RGL1: variants seen among roughly 807,000 people sequenced by gnomAD.
RGL1 encodes ral guanine nucleotide dissociation stimulator-like 1.
Under a neutral mutation model 95.2 loss-of-function variants are expected in RGL1, and 24 were observed. The observed-to-expected ratio is 0.25, with a 90% CI of 0.18 to 0.35. The LOEUF (loss-of-function observed/expected upper bound fraction) is 0.35, where lower values mean the gene tolerates loss of function less well. Ranked by LOEUF, RGL1 falls within the 10% of genes least tolerant of loss-of-function variation. RGL1 has a pLI of 1.00. For missense variants in RGL1, 715 were observed against 936.3 expected, an observed-to-expected ratio of 0.76 and a Z score of 3.08; for synonymous variants, 329 against 344.9, an observed-to-expected ratio of 0.95 and a Z score of 0.51.
chr1:183,639,182 G>T (rs1386702250), intron 1 of RGL1, among the ~76,000 whole-genome samples: 1 of 151,846 alleles, frequency 6.6e-6, no homozygotes, highest in Non-Finnish European at 1.5e-5. Flanking sequence ...TTGGGAGGGT[G>T]AGGTGGGAGA....
chr1:183,813,377 ACCAGAT>A (rs1007317267), intron 2 of RGL1, among the ~76,000 whole-genome samples: 7 of 152,200 alleles, frequency 4.6e-5, no homozygotes, highest in Non-Finnish European at 7.3e-5. Flanking sequence ...TGGCAGAAAA[ACCAGAT>A]CCAGGCATGC....
At chr1:183,892,626 A>G (rs1260292287) in intron 9 of RGL1, among the ~76,000 whole-genome samples, 1 of 152,212 alleles carries the variant, frequency 6.6e-6, no homozygotes, top group African/African-American at 2.4e-5. Context: ...TGACTTCTGA[A>G]TGACACACTA....
At chr1:183,644,117 C>T (rs112719734) in intron 1 of RGL1, among the ~76,000 whole-genome samples, 1 of 152,090 alleles carries the variant, frequency 6.6e-6, no homozygotes, top group Non-Finnish European at 1.5e-5. Context: ...CAGGACAGGT[C>T]CTAAATAAAT....
intron 1 of RGL1, among the ~76,000 whole-genome samples, chr1:183,696,932 A>G (rs1654287346): frequency 1.3e-5 from 2 of 152,130 alleles, no homozygotes; most frequent in Non-Finnish European, 2.9e-5. Flanking sequence ...GAACTATTCT[A>G]GTTGCCTCCT....
intron 2 of RGL1, among the ~76,000 whole-genome samples, chr1:183,817,063 T>C (rs1031257605): frequency 1.3e-5 from 2 of 152,236 alleles, no homozygotes; most frequent in South Asian, 2.1e-4. Context: ...TTTTAATTTG[T>C]TGTGAGAAGG....
chr1:183,884,952 A>C lies in RGL1; in HGVS notation c.951+14A>C. 1 of 1,607,178 alleles carries C rather than the reference A, an allele frequency of 6.2e-7. No individual in the cohort carries two copies. Among genetic ancestry groups the C allele is most frequent in the Non-Finnish European group, 8.5e-7 (1 of 1,174,484 alleles). On this transcript the variant is annotated intron_variant, in intron 7 of 17. Transcript: ENST00000360851. Reference sequence around the variant, plus strand: ...AACATCGCTCATGTAATTGTCTTTTATAAAATATTCTTTGTGTTTGGTAGA... The same window carrying C: ...AACATCGCTCATGTAATTGTCTTTTCTAAAATATTCTTTGTGTTTGGTAGA...
chr1:183,873,770 C>T (rs920284106), intron 4 of RGL1, among the ~76,000 whole-genome samples: 6 of 152,188 alleles, frequency 3.9e-5, no homozygotes, highest in African/African-American at 1.4e-4. Flanking sequence ...AATGAACACC[C>T]TGAGCAAGGT....
At chr1:183,677,712 C>A (rs1341142426) in intron 1 of RGL1, among the ~76,000 whole-genome samples, 1 of 152,148 alleles carries the variant, frequency 6.6e-6, no homozygotes, top group Non-Finnish European at 1.5e-5. Context: ...GCACAGTATC[C>A]CTCAAATTAG....
At position 183,833,028 on chromosome 1, in the gene RGL1, G is replaced by A. The variant is rs143506784; in HGVS notation, c.139-14538G>A. On this transcript the variant is annotated intron_variant, in intron 2 of 17. Transcript: ENST00000360851. ...ATCATAATACCGTCCCTTTTTGTAG[G>A]AACACCTATTGAATTTCATAACATA... Among the ~76,000 whole-genome samples the A allele has an allele frequency of 1.8e-3, 272 of 152,126 alleles. 1 individual carries two copies. The highest frequency in any genetic ancestry group is 6.4e-3 in the African/African-American group (264 of 41,506).
chr1:183,846,859 G>A (rs1572496127), intron 2 of RGL1, among the ~76,000 whole-genome samples: 1 of 151,628 alleles, frequency 6.6e-6, no homozygotes, highest in Admixed American at 6.6e-5. Context: ...CAGCCTGGGC[G>A]ACAAAGCGAG....
chr1:183,684,044 G>T (rs1284136203), intron 1 of RGL1, among the ~76,000 whole-genome samples: 1 of 151,992 alleles, frequency 6.6e-6, no homozygotes, highest in Non-Finnish European at 1.5e-5. Flanking sequence ...CTCTAAACTG[G>T]TTATTCTAGT....
At chr1:183,698,967 C>T (rs1356499001) in intron 1 of RGL1, among the ~76,000 whole-genome samples, 3 of 152,218 alleles carry the variant, frequency 2.0e-5, no homozygotes, top group African/African-American at 4.8e-5. Flanking sequence ...GCCACAGGAA[C>T]AAAGTGTACA....
At chr1:183,750,916 C>T (rs1427741489) in intron 2 of RGL1, among the ~76,000 whole-genome samples, 1 of 152,252 alleles carries the variant, frequency 6.6e-6, no homozygotes, top group African/African-American at 2.4e-5. Flanking sequence ...AAGTTGCTGC[C>T]TGCTCCTTGC....
intron 2 of RGL1, among the ~76,000 whole-genome samples, chr1:183,752,549 A>G (rs1305722100): frequency 6.6e-6 from 1 of 152,148 alleles, no homozygotes; most frequent in Non-Finnish European, 1.5e-5. Context: ...TTTTAAATCT[A>G]GATGATATAA....
chr1:183,707,667 C>A (rs887768925), intron 1 of RGL1, among the ~76,000 whole-genome samples: 1 of 152,054 alleles, frequency 6.6e-6, no homozygotes, highest in African/African-American at 2.4e-5. Flanking sequence ...TGGGGGAGGA[C>A]AATGGGTACA....
chr1:183,714,826 G>A lies in RGL1; in HGVS notation c.-32-27300G>A, dbSNP rs969900628. On this transcript the variant is annotated intron_variant, in intron 1 of 18. Coordinates refer to the RGL1 transcript ENST00000304685. ...GCCACCTGAAAGAGCTTGATGGGTC[G>A]GCATCAGTGAGTCTTGGAGAGTACA... 3.9e-5 allele frequency among the ~76,000 whole-genome samples: 6 copies of A among 152,126 alleles called. No homozygotes were observed. In the East Asian group the frequency reaches 9.6e-4, roughly 24 times the overall value.
At chr1:183,908,032 A>G (rs903480843) in intron 14 of RGL1, among the ~76,000 whole-genome samples, 1 of 151,722 alleles carries the variant, frequency 6.6e-6, no homozygotes, top group Non-Finnish European at 1.5e-5. Flanking sequence ...AACAACAAAT[A>G]TATATATATA....
intron 11 of RGL1, among the ~76,000 whole-genome samples, chr1:183,901,974 G>A (rs1458050143): frequency 6.6e-6 from 1 of 152,168 alleles, no homozygotes; most frequent in Admixed American, 6.5e-5. Flanking sequence ...CCACAGTGTT[G>A]TGGACACATT....
rs1456441085 is a variant in RGL1, at chr1:183,916,566, C to G, written c.1869C>G (p.Ile623Met). 6.2e-7 allele frequency: 1 copy of G among 1,613,832 alleles called. No homozygotes were observed. The highest frequency in any genetic ancestry group is 8.5e-7 in the Non-Finnish European group (1 of 1,179,996). Residue 623 changes from isoleucine to methionine, a missense_variant, in exon 16 of 18, where the codon ATC becomes ATG. Transcript: ENST00000360851. ...SPPSCNNNPK[I>M]HKRSVSVTSI... The stretch of plus-strand genomic sequence containing the variant: ...CGTCCTGCAACAACAACCCCAAAAT[C>G]CACAAGCGCTCTGTCTCGGTGACGT...
Sources: gnomAD v4.1 joint callset for allele counts (sites outside exome capture counted in the v4.1 genomes callset) on GRCh38, gnomAD v4.1.1 for gene constraint, MANE v1.5 for transcripts, NCBI Gene and HGNC (gene_info 2026-07-23, HGNC 2026-07-21) for gene names.